The following CCDC126 variants were observed in gnomAD, a reference collection of about 807,000 sequenced individuals.
CCDC126 encodes the protein coiled-coil domain containing 126, also known as coiled-coil domain-containing protein 126.
CCDC126 carries 5 observed loss-of-function variants against 11.7 expected under a neutral mutation model. That is an observed-to-expected ratio of 0.43 (90% CI 0.22 to 0.90). The LOEUF (loss-of-function observed/expected upper bound fraction) is 0.90. CCDC126 is among the 40% of genes least tolerant of loss of function. The probability of loss-of-function intolerance (pLI) is 0.27; values close to 1 mark genes in which losing one functional copy is unlikely to be tolerated. For missense variants in CCDC126, 150 were observed against 163.1 expected, an observed-to-expected ratio of 0.92 and a Z score of 0.44; for synonymous variants, 60 against 61.9, an observed-to-expected ratio of 0.97 and a Z score of 0.14.
At chr7:23,610,004 A>AAC (rs1562830142) in intron 2 of CCDC126, among the ~76,000 whole-genome samples, 1 of 152,214 alleles carries the variant, frequency 6.6e-6, no homozygotes, top group Non-Finnish European at 1.5e-5. Context: ...ATGTAGTCAA[A>AAC]GAGTTTTTTT....
chr7:23,617,712 C>T (rs1242719553), intron 3 of CCDC126, among the ~76,000 whole-genome samples: 2 of 152,164 alleles, frequency 1.3e-5, no homozygotes, highest in Non-Finnish European at 2.9e-5. Flanking sequence ...ATTCCCAGGC[C>T]ACTTTCACTT....
intron 3 of CCDC126, among the ~76,000 whole-genome samples, chr7:23,635,386 C>T (rs1428136748): frequency 6.6e-6 from 1 of 152,140 alleles, no homozygotes; most frequent in Admixed American, 6.5e-5. Flanking sequence ...CCTTCAGTGA[C>T]AGAGCTTTAT....
chr7:23,619,452 C>T, intron 3 of CCDC126: 1 of 414,252 alleles, frequency 2.4e-6, no homozygotes. Flanking sequence ...AAAAGGATCC[C>T]AGCGCATTAA....
intron 2 of CCDC126, among the ~76,000 whole-genome samples, chr7:23,609,813 G>T (rs1782676445): frequency 6.6e-6 from 1 of 152,206 alleles, no homozygotes; most frequent in South Asian, 2.1e-4. Flanking sequence ...AGTGAGCTGA[G>T]ATTGCACCAC....
At position 23,606,405 on chromosome 7, in the gene CCDC126, AT is replaced by A. The variant is rs112157361; in HGVS notation, c.-145-4757del. On this transcript the variant is annotated intron_variant, in intron 2 of 3. Transcript: ENST00000307471. Reference sequence around the variant, plus strand: ...TTCCCTATGATTAATGAGGTTGAGCATTTTTTTTTATTGGCAAAATGTCTTC... The same window carrying A: ...TTCCCTATGATTAATGAGGTTGAGCATTTTTTTTATTGGCAAAATGTCTTC... 1.2e-3 allele frequency among the ~76,000 whole-genome samples: 188 copies of A among 151,008 alleles called. 2 individuals carry two copies. The highest frequency in any genetic ancestry group is 3.4e-3 in the African/African-American group (141 of 41,228).
chr7:23,625,317 T>G (rs1045214143), intron 3 of CCDC126, among the ~76,000 whole-genome samples: 1 of 152,212 alleles, frequency 6.6e-6, no homozygotes, highest in African/African-American at 2.4e-5. Flanking sequence ...ATTACCTAAT[T>G]GTGGAATTTT....
chr7:23,619,168 G>A (rs1342133278), intron 3 of CCDC126, among the ~76,000 whole-genome samples: 1 of 152,072 alleles, frequency 6.6e-6, no homozygotes, highest in Non-Finnish European at 1.5e-5. Context: ...GTTTTGGAGT[G>A]GTGCACAGAA....
intron 3 of CCDC126, among the ~76,000 whole-genome samples, chr7:23,613,833 A>G (rs919906614): frequency 6.6e-6 from 1 of 152,248 alleles, no homozygotes; most frequent in African/African-American, 2.4e-5. Context: ...CCCAGTGCAT[A>G]TAAAAGTTAA....
chr7:23,626,886 A>C (rs1379109739), intron 3 of CCDC126, among the ~76,000 whole-genome samples: 6 of 152,238 alleles, frequency 3.9e-5, no homozygotes, highest in African/African-American at 1.4e-4. Flanking sequence ...TGAACAGTTA[A>C]TGTGTGCTTT....
rs146774648 is a variant in CCDC126 at position 23,632,758 on chromosome 7, C to T, written c.239-10173C>T. Among the ~76,000 whole-genome samples, 14 of 152,278 alleles carry T rather than the reference C, an allele frequency of 9.2e-5. No individual in the cohort carries two copies. The East Asian group carries it at 2.7e-3, about 29-fold the overall frequency. On this transcript the variant is annotated intron_variant, in intron 3 of 3. Transcript: ENST00000307471. The stretch of plus-strand genomic sequence containing the variant: ...AACCCAAAGCCAAACCTGTAAAATG[C>T]GTGGTCCTTGTATTCCAGATACGTT...
chr7:23,640,028 C>G (rs1342456408), intron 3 of CCDC126, among the ~76,000 whole-genome samples: 1 of 151,448 alleles, frequency 6.6e-6, no homozygotes, highest in African/African-American at 2.4e-5. Context: ...ACTAAAAATA[C>G]AAAAATTAGC....
chr7:23,599,156 C>T (rs1011820347), intron 2 of CCDC126, among the ~76,000 whole-genome samples: 2 of 152,212 alleles, frequency 1.3e-5, no homozygotes, highest in Non-Finnish European at 2.9e-5. Context: ...CACAGTTTCT[C>T]TGCATTTTTG....
At chr7:23,603,447 G>A (rs959594792) in intron 2 of CCDC126, among the ~76,000 whole-genome samples, 4 of 152,092 alleles carry the variant, frequency 2.6e-5, no homozygotes, top group African/African-American at 9.7e-5. Context: ...AGTTTATTCC[G>A]TATTTACAAA....
chr7:23,621,487 G>A (rs557089488), intron 3 of CCDC126, among the ~76,000 whole-genome samples: 3 of 152,258 alleles, frequency 2.0e-5, no homozygotes, highest in South Asian at 2.1e-4. Context: ...GGGCTGAGAT[G>A]ATGGGGTTTT....
chr7:23,608,350 A>G (rs781534696), intron 2 of CCDC126, among the ~76,000 whole-genome samples: 14 of 152,184 alleles, frequency 9.2e-5, no homozygotes, highest in Non-Finnish European at 1.3e-4. Context: ...AGTCTTTTGA[A>G]AGGCCTGGTT....
At chr7:23,623,067 G>A (rs1041717805) in intron 3 of CCDC126, among the ~76,000 whole-genome samples, 3 of 141,084 alleles carry the variant, frequency 2.1e-5, no homozygotes, top group South Asian at 2.3e-4. Flanking sequence ...TCTGCCTCCC[G>A]GGTTCAGGCG....
rs113370860 is a variant in CCDC126 at position 23,628,067 on chromosome 7, G to A, written c.239-14864G>A. ...TTGTATAAGTAATGAATGGAAAACAGTGTTATAAGCATTTTCAGAAGCAGG... is the reference window on the plus strand; with the variant it reads ...TTGTATAAGTAATGAATGGAAAACAATGTTATAAGCATTTTCAGAAGCAGG... On this transcript the variant is annotated intron_variant, in intron 3 of 3. Transcript: ENST00000307471. Among the ~76,000 whole-genome samples the A allele has an allele frequency of 1.8e-4, 27 of 151,514 alleles. 2 individuals are homozygous for A. The highest frequency in any genetic ancestry group is 4.6e-4 in the African/African-American group (19 of 40,880).
At chr7:23,627,341 C>T (rs1383610020) in intron 3 of CCDC126, among the ~76,000 whole-genome samples, 4 of 151,632 alleles carry the variant, frequency 2.6e-5, no homozygotes, top group African/African-American at 9.7e-5. Flanking sequence ...ATAGTGAGAC[C>T]CTGGCTCTAA....
rs111643973 is a variant in CCDC126, at chr7:23,628,629, G to A, written c.239-14302G>A. On this transcript the variant is annotated intron_variant, in intron 3 of 3. Coordinates refer to ENST00000307471, the MANE Select transcript of CCDC126 (RefSeq NM_138771.4). The stretch of plus-strand genomic sequence containing the variant: ...GGTGTTAGAGAAGGCAGTAGGAGCC[G>A]GAAATGTCACCCCTGCCAGCCAGCC... 2.3e-4 allele frequency among the ~76,000 whole-genome samples: 35 copies of A among 152,298 alleles called. 2 individuals carry two copies. Among genetic ancestry groups the A allele is most frequent in the African/African-American group, 5.3e-4 (22 of 41,566 alleles).
Sources: gnomAD v4.1 joint callset for allele counts (sites outside exome capture counted in the v4.1 genomes callset) on GRCh38, gnomAD v4.1.1 for gene constraint, MANE v1.5 for transcripts, NCBI Gene and HGNC (gene_info 2026-07-23, HGNC 2026-07-21) for gene names.